ENTREP1: variants seen among roughly 807,000 people sequenced by gnomAD.
ENTREP1 encodes the protein Friedreich ataxia region gene X123.
the ENTREP1 span, among the ~76,000 whole-genome samples, chr9:69,363,365 G>C: frequency 2.6e-5 from 4 of 152,280 alleles, no homozygotes; most frequent in Admixed American, 2.6e-4. Flanking sequence ...TAGGAATGGG[G>C]CTTAATGAGC....
chr9:69,330,555 A>G, the ENTREP1 span, among the ~76,000 whole-genome samples: 1 of 152,252 alleles, frequency 6.6e-6, no homozygotes, highest in Non-Finnish European at 1.5e-5. Context: ...CGCAGTGAAT[A>G]AACATAAAGA....
chr9:69,346,448 A>G, the ENTREP1 span, among the ~76,000 whole-genome samples: 2 of 152,084 alleles, frequency 1.3e-5, no homozygotes, highest in African/African-American at 4.8e-5. Context: ...GTTGTAGATA[A>G]TATTGTAAGC....
At chr9:69,337,054 G>A in the ENTREP1 span, among the ~76,000 whole-genome samples, 319 of 113,932 alleles carry the variant, frequency 2.8e-3, 1 homozygote, top group Middle Eastern at 0.034. Flanking sequence ...TCACCCTGTC[G>A]CCCAGGCTGG....
the ENTREP1 span, among the ~76,000 whole-genome samples, chr9:69,352,459 T>A: frequency 3.3e-5 from 5 of 152,224 alleles, no homozygotes; most frequent in Admixed American, 2.6e-4. Context: ...CCTTGATCAT[T>A]CATTCTAGTC....
At chr9:69,384,455 A>AT in the ENTREP1 span, among the ~76,000 whole-genome samples, 2 of 152,162 alleles carry the variant, frequency 1.3e-5, no homozygotes, top group Admixed American at 1.3e-4. Flanking sequence ...CTGATCTATG[A>AT]TTTTCTTCCT....
At chr9:69,339,792 G>A in the ENTREP1 span, among the ~76,000 whole-genome samples, 3 of 152,156 alleles carry the variant, frequency 2.0e-5, no homozygotes. Context: ...TTGGCTGGCC[G>A]CCTCTTCTTC....
chr9:69,361,780 G>A, the ENTREP1 span, among the ~76,000 whole-genome samples: 1 of 152,046 alleles, frequency 6.6e-6, no homozygotes, highest in African/African-American at 2.4e-5. Flanking sequence ...CACCATTTCT[G>A]AACATCTGGG....
the ENTREP1 span, among the ~76,000 whole-genome samples, chr9:69,357,278 T>C: frequency 1.3e-5 from 2 of 152,166 alleles, no homozygotes. Context: ...ATAAGAGCTT[T>C]TAGCTCTCCT....
the ENTREP1 span, chr9:69,383,664 A>G: frequency 2.5e-6 from 4 of 1,613,988 alleles, no homozygotes; most frequent in African/African-American, 1.3e-5. Context: ...CCTGCCACAC[A>G]TCTACGGAGC....
At chr9:69,391,862 C>T in the ENTREP1 span, 3 of 1,476,678 alleles carry the variant, frequency 2.0e-6, no homozygotes, top group Admixed American at 2.0e-5. Context: ...TCTGCCATTT[C>T]TTGGCTGGGA....
At chr9:69,329,360 A>C in the ENTREP1 span, 1 of 959,806 alleles carries the variant, frequency 1.0e-6, no homozygotes, top group Non-Finnish European at 1.2e-6. Flanking sequence ...AACACAGTAT[A>C]GTTCAAGGAT....
At chr9:69,391,924 C>T in the ENTREP1 span, 1 of 961,488 alleles carries the variant, frequency 1.0e-6, no homozygotes, top group Non-Finnish European at 1.6e-6. Flanking sequence ...CGTTTTCCCA[C>T]CTGTTGGCTC....
At chr9:69,377,822 A>G in the ENTREP1 span, 11 of 1,425,464 alleles carry the variant, frequency 7.7e-6, no homozygotes, top group South Asian at 1.5e-4. Context: ...AGAACTCACC[A>G]CATGAGATCT....
the ENTREP1 span, among the ~76,000 whole-genome samples, chr9:69,365,792 C>A: frequency 6.6e-6 from 1 of 152,068 alleles, no homozygotes; most frequent in Non-Finnish European, 1.5e-5. Context: ...TCTTTCTGTG[C>A]CTGGCTTATT....
the ENTREP1 span, among the ~76,000 whole-genome samples, chr9:69,343,241 CAG>C: frequency 6.6e-6 from 1 of 152,210 alleles, no homozygotes; most frequent in African/African-American, 2.4e-5. Context: ...GCTTACAAAA[CAG>C]AGTGTGTGAA....
At chr9:69,383,713 C>A in the ENTREP1 span, 1 of 1,614,076 alleles carries the variant, frequency 6.2e-7, no homozygotes, top group South Asian at 1.1e-5. Flanking sequence ...CCTCTGGATC[C>A]CCCGCCGCCA....
At chr9:69,375,704 A>G in the ENTREP1 span, 1 of 1,565,852 alleles carries the variant, frequency 6.4e-7, no homozygotes, top group Non-Finnish European at 8.8e-7. Flanking sequence ...CTTAATAATT[A>G]AAGTATTTTT....
the ENTREP1 span, among the ~76,000 whole-genome samples, chr9:69,367,346 T>C: frequency 6.6e-6 from 1 of 151,778 alleles, no homozygotes; most frequent in African/African-American, 2.4e-5. Context: ...TGGGCATTTT[T>C]TTGGTTTCAT....
chr9:69,367,680 A>AAATATATATATACACATATATATAC, the ENTREP1 span, among the ~76,000 whole-genome samples: 2 of 47,360 alleles, frequency 4.2e-5, no homozygotes, highest in African/African-American at 1.4e-4. Context: ...CACATATATA[A>AAATATATATATACACATATATATAC]ATATATATAT....
Sources: gnomAD v4.1 joint callset for allele counts (sites outside exome capture counted in the v4.1 genomes callset) on GRCh38, gnomAD v4.1.1 for gene constraint, MANE v1.5 for transcripts, NCBI Gene and HGNC (gene_info 2026-07-23, HGNC 2026-07-21) for gene names.